The following ATXN2 variants were observed in gnomAD, a reference collection of about 807,000 sequenced individuals.
ATXN2 encodes ataxin-2.
ATXN2 carries 37 observed loss-of-function variants against 138.6 expected under a neutral mutation model. The ratio of observed to expected loss-of-function variants is 0.27; its 90% CI spans 0.21 to 0.35. The LOEUF is 0.35. Ranked by LOEUF, ATXN2 falls within the 10% of genes least tolerant of loss-of-function variation. The probability of loss-of-function intolerance (pLI) is 1.00; values close to 1 mark genes in which losing one functional copy is unlikely to be tolerated. For synonymous variants in ATXN2, 549 were observed against 543.7 expected, an observed-to-expected ratio of 1.01 and a Z score of -0.13; for missense variants, 1,216 against 1,480.3, an observed-to-expected ratio of 0.82 and a Z score of 2.93.
At chr12:111,596,247 A>AC (rs1884937147) in intron 1 of ATXN2, among the ~76,000 whole-genome samples, 6 of 130,712 alleles carry the variant, frequency 4.6e-5, no homozygotes, top group African/African-American at 1.6e-4. Flanking sequence ...CACACACACA[A>AC]AATTAGATTA....
intron 1 of ATXN2, among the ~76,000 whole-genome samples, chr12:111,562,373 C>G (rs980373945): frequency 6.6e-6 from 1 of 151,990 alleles, no homozygotes; most frequent in South Asian, 2.1e-4. Flanking sequence ...AGTGAACTAT[C>G]ATCATGCCAC....
intron 21 of ATXN2, among the ~76,000 whole-genome samples, chr12:111,459,218 C>T (rs1875371516): frequency 6.6e-6 from 1 of 152,180 alleles, no homozygotes. Context: ...GATGTACAAA[C>T]GATGAAGCCT....
intron 14 of ATXN2, among the ~76,000 whole-genome samples, chr12:111,496,061 G>T (rs1450297944): frequency 6.6e-6 from 1 of 152,070 alleles, no homozygotes; most frequent in Non-Finnish European, 1.5e-5. Flanking sequence ...GGCTAAGGTG[G>T]GAGGATTGCT....
In ATXN2 at chr12:111,470,087, GACAA is replaced by G. The variant is rs770938457; in HGVS notation, c.2842+17_2842+20del. ...AAGAAGAGTCACACACACTGGAAGA[GACAA>G]ACAAAGTGCTTCCTACCATACATCG... is the stretch of plus-strand genomic sequence containing the variant. On this transcript the variant is annotated intron_variant, in intron 20 of 24. Transcript: ENST00000673436. The G allele has an allele frequency of 6.3e-5, 101 of 1,610,982 alleles. No individual in the cohort carries two copies. The highest frequency in any genetic ancestry group is 7.6e-5 in the Non-Finnish European group (90 of 1,178,226).
intron 18 of ATXN2, among the ~76,000 whole-genome samples, chr12:111,483,235 ACAC>A (rs1877385496): frequency 1.3e-5 from 2 of 150,244 alleles, no homozygotes; most frequent in Non-Finnish European, 1.5e-5. Flanking sequence ...ACACACACAC[ACAC>A]AAAACACCCA....
At chr12:111,569,875 T>C (rs1455073042) in intron 1 of ATXN2, among the ~76,000 whole-genome samples, 1 of 151,946 alleles carries the variant, frequency 6.6e-6, no homozygotes, top group Non-Finnish European at 1.5e-5. Flanking sequence ...ACAACTCAGG[T>C]AGAAAAGGAT....
rs1472453289 is a variant in ATXN2, at chr12:111,599,258, GCGCCGC to G, written c.-230_-225del. 4 of 1,168,948 alleles carry G rather than the reference GCGCCGC, an allele frequency of 3.4e-6. No individual in the cohort carries two copies. The allele number at this position is 1,168,948 out of a possible 1,614,324, so 72.4% of individuals were successfully genotyped here. A position where few individuals can be genotyped will look rare whatever the true frequency, so the allele number is the denominator to read the frequency against. The stretch of plus-strand genomic sequence containing the variant: ...GAGCCGCCGGGAGCCGGGCCGAAAC[GCGCCGC>G]CGCCGTTGCCGTTGCTACCAAAACA... On this transcript the variant is annotated 5_prime_UTR_variant, in exon 1 of 25. Coordinates refer to ENST00000673436, the MANE Select transcript of ATXN2 (RefSeq NM_001372574.1).
intron 20 of ATXN2, among the ~76,000 whole-genome samples, chr12:111,465,081 T>C (rs1210050987): frequency 1.3e-5 from 2 of 152,192 alleles, no homozygotes; most frequent in African/African-American, 2.4e-5. Flanking sequence ...TGCAAAAACA[T>C]TACTAATGGA....
chr12:111,512,180 A>G (rs1453919853), intron 11 of ATXN2: 1 of 151,816 alleles, frequency 6.6e-6, no homozygotes, highest in East Asian at 2.0e-4. Context: ...TGAACTCCTG[A>G]CCTCAAGTGA....
At chr12:111,494,915 A>T (rs1291931851) in intron 14 of ATXN2, among the ~76,000 whole-genome samples, 1 of 152,192 alleles carries the variant, frequency 6.6e-6, no homozygotes, top group East Asian at 1.9e-4. Context: ...GATAATAAGT[A>T]ACAAAATGGT....
At chr12:111,599,409 G>A, upstream of ATXN2, 1 of 1,168,740 alleles carries the variant, frequency 8.6e-7, no homozygotes, top group Non-Finnish European at 1.1e-6. Context: ...CCGCTCCGCC[G>A]CGCCGGCCGC....
At chr12:111,548,289 A>G (rs1261860843) in intron 5 of ATXN2, among the ~76,000 whole-genome samples, 4 of 152,218 alleles carry the variant, frequency 2.6e-5, no homozygotes, top group Non-Finnish European at 5.9e-5. Flanking sequence ...TGTTAAGAAC[A>G]TGAGTTAGAG....
At chr12:111,597,776 T>G in intron 1 of ATXN2, 1 of 1,060,342 alleles carries the variant, frequency 9.4e-7, no homozygotes, top group Non-Finnish European at 1.3e-6. Flanking sequence ...CCCGACCACG[T>G]CCCCTGCTGC....
At chr12:111,475,840 C>G (rs1268602053) in intron 18 of ATXN2, among the ~76,000 whole-genome samples, 1 of 151,826 alleles carries the variant, frequency 6.6e-6, no homozygotes, top group Non-Finnish European at 1.5e-5. Context: ...AGTGAAAAAT[C>G]CAGAAACAAA....
rs1349841032 is a variant in ATXN2 at position 111,552,722 on chromosome 12, T to C, written c.420+184A>G. The C allele has an allele frequency of 3.6e-6, 2 of 550,836 alleles. No homozygotes were observed. Among genetic ancestry groups the C allele is most frequent in the African/African-American group, 2.0e-5 (1 of 50,308 alleles). The allele number at this position is 550,836 out of a possible 1,614,324, so 34.1% of individuals were successfully genotyped here. A position where few individuals can be genotyped will look rare whatever the true frequency, so the allele number is the denominator to read the frequency against. ...ATTAGCTCACAATGCTTAAAAATGGTTGAAATATTTTAATAAGCACACACA... is the reference window on the plus strand; with the variant it reads ...ATTAGCTCACAATGCTTAAAAATGGCTGAAATATTTTAATAAGCACACACA... On this transcript the variant is annotated intron_variant, in intron 4 of 24. Coordinates refer to ENST00000673436, the MANE Select transcript of ATXN2 (RefSeq NM_001372574.1). This position sits in a 1 kb window ranked among gnomAD's most constrained non-coding sequence, Gnocchi z 4.1.
chr12:111,560,147 C>T (rs1188508502), intron 1 of ATXN2, among the ~76,000 whole-genome samples: 14 of 152,064 alleles, frequency 9.2e-5, no homozygotes, highest in Non-Finnish European at 1.0e-4. Flanking sequence ...CAAAGCTCCA[C>T]GGAAAACAAT....
At chr12:111,521,400 G>C (rs553077181) in intron 6 of ATXN2, among the ~76,000 whole-genome samples, 13 of 152,302 alleles carry the variant, frequency 8.5e-5, no homozygotes, top group African/African-American at 2.6e-4. Context: ...CATGGAACAA[G>C]GGGTGCTTTT....
At chr12:111,559,855 C>T (rs1171878150) in intron 1 of ATXN2, among the ~76,000 whole-genome samples, 1 of 150,914 alleles carries the variant, frequency 6.6e-6, no homozygotes, top group Non-Finnish European at 1.5e-5. Flanking sequence ...TTATATTGCA[C>T]CATAATTTAG....
chr12:111,522,951 A>G (rs1880265425), intron 6 of ATXN2, among the ~76,000 whole-genome samples: 1 of 151,432 alleles, frequency 6.6e-6, no homozygotes, highest in Admixed American at 6.6e-5. Context: ...GACATCTTCT[A>G]GGCAATAAGA....
Sources: allele counts gnomAD v4.1 joint callset (sites outside exome capture counted in the v4.1 genomes callset), GRCh38; gene constraint gnomAD v4.1.1; non-coding constraint Gnocchi (gnomAD v3.1); transcripts MANE v1.5; gene names NCBI Gene and HGNC (gene_info 2026-07-23, HGNC 2026-07-21).